Variants in HIF1A observed in about 807,000 individuals in gnomAD.
The protein encoded by HIF1A is hypoxia-inducible factor 1-alpha.
HIF1A carries 24 observed loss-of-function variants against 92.7 expected under a neutral mutation model. The observed-to-expected ratio is 0.26, with a 90% CI of 0.19 to 0.36. HIF1A has a LOEUF of 0.36. HIF1A is among the 10% of genes least tolerant of loss of function. HIF1A has a pLI of 1.00. For synonymous variants in HIF1A, 319 were observed against 338.7 expected (o/e 0.94, Z 0.64); for missense variants, 799 against 998.5 (o/e 0.80, Z 2.69).
chr14:61,701,805 T>G (rs905562272), intron 1 of HIF1A, among the ~76,000 whole-genome samples: 1 of 151,912 alleles, frequency 6.6e-6, no homozygotes, highest in African/African-American at 2.4e-5. Context: ...CTGGCCAACA[T>G]GGTGAAACCC....
chr14:61,698,938 G>A (rs530219129), intron 1 of HIF1A: 1 of 152,322 alleles, frequency 6.6e-6, no homozygotes, highest in East Asian at 1.9e-4. Context: ...TGCATTCTTA[G>A]TACTGGCAGT....
At chr14:61,720,639 T>C in intron 2 of HIF1A, 67 bp downstream of exon 2, 1 of 1,024,392 alleles carries the variant, frequency 9.8e-7, no homozygotes. Flanking sequence ...AGAAATTATT[T>C]TTAGAAGGTG....
chr14:61,731,449 T>C (rs2044574488), intron 6 of HIF1A, among the ~76,000 whole-genome samples: 1 of 152,252 alleles, frequency 6.6e-6, no homozygotes, highest in Non-Finnish European at 1.5e-5. Flanking sequence ...AATTGGATTG[T>C]TTTCCAATCT....
chr14:61,702,971 A>G (rs1400046850), intron 1 of HIF1A, among the ~76,000 whole-genome samples: 1 of 152,178 alleles, frequency 6.6e-6, no homozygotes, highest in African/African-American at 2.4e-5. Flanking sequence ...GCTTGTGGTG[A>G]TGGTTAAATT....
rs1401157503 is a variant in HIF1A at position 61,727,437 on chromosome 14, T to C, written c.571-16T>C. 1.3e-6 allele frequency: 2 copies of C among 1,590,694 alleles called. No individual in the cohort carries two copies. Among genetic ancestry groups the C allele is most frequent in the Non-Finnish European group, 1.7e-6 (2 of 1,159,194 alleles). ...TTGTAAATATTTTTTTTAACTGCTT[T>C]GTTCTTCATACACAGGTATTGCACT... On this transcript the variant is annotated splice_polypyrimidine_tract_variant and intron_variant, in intron 5 of 14. Coordinates refer to ENST00000337138, the MANE Select transcript of HIF1A (RefSeq NM_001530.4).
At chr14:61,710,057 G>A (rs1301209674) in intron 1 of HIF1A, among the ~76,000 whole-genome samples, 1 of 152,068 alleles carries the variant, frequency 6.6e-6, no homozygotes, top group Admixed American at 6.5e-5. Context: ...TTATATGTGT[G>A]TATAGCTACA....
In HIF1A at chr14:61,695,717, C is replaced by G. The variant is rs11549466; in HGVS notation, c.-88C>G. The G allele has an allele frequency of 3.6e-3, 5,218 of 1,431,908 alleles. 21 individuals are homozygous for G. The highest frequency in any genetic ancestry group is 4.1e-3 in the Non-Finnish European group (4,255 of 1,044,172). The allele number at this position is 1,431,908 out of a possible 1,614,324, so 88.7% of individuals were successfully genotyped here. On this transcript the variant is annotated 5_prime_UTR_variant, in exon 1 of 15. Transcript: ENST00000337138. ...CACCTCTGGACTTGCCTTTCCTTCT[C>G]TTCTCCGCGTGTGGAGGGAGCCAGC...
At chr14:61,716,333 G>T (rs538132998) in intron 1 of HIF1A, among the ~76,000 whole-genome samples, 1 of 152,250 alleles carries the variant, frequency 6.6e-6, no homozygotes, top group Admixed American at 6.5e-5. Flanking sequence ...CAGAATGTCA[G>T]TCCTGTAGAA....
intron 10 of HIF1A, chr14:61,740,287 G>C (rs1356339327): frequency 6.6e-6 from 2 of 301,536 alleles, no homozygotes; most frequent in Non-Finnish European, 1.2e-5. Context: ...GGATGGTCTC[G>C]ATCTCTTGAC....
In HIF1A at chr14:61,736,973, G is replaced by T; in HGVS notation, c.1113G>T (p.Met371Ile). The T allele has an allele frequency of 6.2e-7, 1 of 1,613,954 alleles. No individual in the cohort carries two copies. The highest frequency in any genetic ancestry group is 1.1e-5 in the South Asian group (1 of 91,076). ...LKPVESSDMK[M>I]TQLFTKVESE... ...CGGTTGAATCTTCAGATATGAAAATGACTCAGCTATTCACCAAAGTTGAAT... is the reference window on the plus strand; with the variant it reads ...CGGTTGAATCTTCAGATATGAAAATTACTCAGCTATTCACCAAAGTTGAAT... The change falls in exon 9 of 15, where the codon ATG (methionine) becomes ATT (isoleucine). Residue 371 changes from methionine to isoleucine, a missense_variant. By Grantham distance (10) the Met-to-Ile change is conservative. Transcript: ENST00000337138.
intron 10 of HIF1A, 129 bp downstream of exon 10, chr14:61,738,502 A>G (rs2044667067): frequency 2.2e-6 from 2 of 904,528 alleles, no homozygotes; most frequent in Non-Finnish European, 3.4e-6. Flanking sequence ...GAATTTTAGC[A>G]CTTTAAAATT....
At chr14:61,734,643 G>A (rs1420470159) in intron 8 of HIF1A, among the ~76,000 whole-genome samples, 1 of 152,154 alleles carries the variant, frequency 6.6e-6, no homozygotes, top group African/African-American at 2.4e-5. Flanking sequence ...GCCTAGATTT[G>A]TATCATAGCT....
intron 1 of HIF1A, among the ~76,000 whole-genome samples, chr14:61,720,006 G>C (rs932999694): frequency 6.6e-6 from 1 of 152,096 alleles, no homozygotes. Flanking sequence ...CCTTAATCGT[G>C]GTTTCTCTGT....
At chr14:61,742,940 G>A (rs12896279) in intron 12 of HIF1A, among the ~76,000 whole-genome samples, 127,718 of 147,678 alleles carry the variant, frequency 0.86, 56,593 homozygotes, top group Non-Finnish European at 0.96. Flanking sequence ...GAATACAGTA[G>A]TAAAAATGAC....
chr14:61,699,341 T>A (rs1252915065), intron 1 of HIF1A, among the ~76,000 whole-genome samples: 1 of 152,236 alleles, frequency 6.6e-6, no homozygotes, highest in Non-Finnish European at 1.5e-5. Flanking sequence ...TTTAACGCCA[T>A]TGTCTGTGAC....
intron 14 of HIF1A, among the ~76,000 whole-genome samples, chr14:61,746,542 TAC>T (rs2044792741): frequency 6.6e-6 from 1 of 151,864 alleles, no homozygotes; most frequent in Non-Finnish European, 1.5e-5. Flanking sequence ...TAGCTCGCAC[TAC>T]AGACATGCCT....
rs57603998 is a variant in HIF1A at position 61,697,476 on chromosome 14, C to T, written c.35+1637C>T. 834 of 160,898 alleles carry T rather than the reference C, an allele frequency of 5.2e-3. 6 individuals carry two copies. Among genetic ancestry groups the T allele is most frequent in the African/African-American group, 0.018 (734 of 41,714 alleles). The allele number at this position is 160,898 out of a possible 1,614,324, so 10.0% of individuals were successfully genotyped here. A position where few individuals can be genotyped will look rare whatever the true frequency, so the allele number is the denominator to read the frequency against. On this transcript the variant is annotated intron_variant, in intron 1 of 14. Coordinates refer to ENST00000337138, the MANE Select transcript of HIF1A (RefSeq NM_001530.4). ...GTACCACTTTTTTTATATACAGTAT[C>T]GAACTCATTGTTTTGCCATTCATCC...
intron 7 of HIF1A, 122 bp downstream of exon 7, chr14:61,732,646 A>G: frequency 1.8e-6 from 1 of 563,514 alleles, no homozygotes; most frequent in Non-Finnish European, 3.2e-6. Context: ...TAACAGGCCT[A>G]TTCAGTAGAG....
Position 61,721,556 on chromosome 14 carries a change from T to C in HIF1A, c.274T>C (p.Tyr92His). 6.2e-7 allele frequency: 1 copy of C among 1,612,930 alleles called. No homozygotes were observed. Among genetic ancestry groups the C allele is most frequent in the Non-Finnish European group, 8.5e-7 (1 of 1,179,020 alleles). ...DDMKAQMNCF[Y>H]LKALDGFVMV... ...CATGAAAGCACAGATGAATTGCTTT[T>C]ATTTGAAAGCCTTGGATGGTTTTGT... The change falls in exon 3 of 15, where the codon TAT becomes CAT. Residue 92 changes from tyrosine to histidine, a missense_variant. By Grantham distance (83) the Tyr-to-His change is moderately conservative. This residue lies in a region of HIF1A where 516 missense variants were observed against 721.0 expected (regional missense o/e 0.72). Coordinates refer to ENST00000337138, the MANE Select transcript of HIF1A (RefSeq NM_001530.4).
Sources: allele counts gnomAD v4.1 joint callset (sites outside exome capture counted in the v4.1 genomes callset), GRCh38; gene constraint gnomAD v4.1.1; regional missense constraint gnomAD v4.1.1; transcripts MANE v1.5; gene names NCBI Gene and HGNC (gene_info 2026-07-23, HGNC 2026-07-21).